Variants in MOB1B observed in about 807,000 individuals in gnomAD.
MOB1B encodes MOB kinase activator 1B.
MOB1B carries 19 observed loss-of-function variants against 24.4 expected under a neutral mutation model. The ratio of observed to expected loss-of-function variants is 0.78; its 90% CI spans 0.54 to 1.14. The LOEUF (loss-of-function observed/expected upper bound fraction) is 1.14. MOB1B is among the 50% of genes most tolerant of loss of function. The probability of loss-of-function intolerance (pLI) is 0.00; values close to 1 mark genes in which losing one functional copy is unlikely to be tolerated. For synonymous variants in MOB1B, 76 were observed against 82.1 expected, an observed-to-expected ratio of 0.93 and a Z score of 0.40; for missense variants, 243 against 259.6, an observed-to-expected ratio of 0.94 and a Z score of 0.44.
In MOB1B at chr4:70,902,617, C is replaced by G. The variant is rs866507273; in HGVS notation, c.14+67C>G. The G allele has an allele frequency of 1.9e-5, 27 of 1,422,194 alleles. No homozygotes were observed. In the South Asian group the frequency reaches 3.5e-4, roughly 18 times the overall value. The allele number at this position is 1,422,194 out of a possible 1,614,324, so 88.1% of individuals were successfully genotyped here. A position where few individuals can be genotyped will look rare whatever the true frequency, so the allele number is the denominator to read the frequency against. On this transcript the variant is annotated intron_variant, in intron 1 of 5. Transcript: ENST00000309395. ...GACCTGGGCCCCCGCCCGCCGCCCG[C>G]CGCCCGTCGCCCGCCCTCGTCCCGA...
Position 70,986,642 on chromosome 4 carries a change from ACTC to A in MOB1B, c.*4586_*4588del, listed in dbSNP as rs1048968393. 6.6e-6 allele frequency: 1 copy of A among 152,244 alleles called. No homozygotes were observed. Among genetic ancestry groups the A allele is most frequent in the Admixed American group, 6.5e-5 (1 of 15,294 alleles). 9.4% of individuals were successfully genotyped at this position (152,244 alleles called of 1,614,324 possible). ...AATTCTTAGAAACACTTTAAGGACTACTCTTAAATAACTTAAATATCAGAGTTT... is the reference window on the plus strand; with the variant it reads ...AATTCTTAGAAACACTTTAAGGACTATTAAATAACTTAAATATCAGAGTTT... On this transcript the variant is annotated 3_prime_UTR_variant, in exon 6 of 6. Coordinates refer to ENST00000309395, the MANE Select transcript of MOB1B (RefSeq NM_173468.4).
intron 1 of MOB1B, among the ~76,000 whole-genome samples, chr4:70,953,812 C>T (rs1737911814): frequency 6.6e-6 from 1 of 152,134 alleles, no homozygotes; most frequent in Non-Finnish European, 1.5e-5. Context: ...GGCATAGTGG[C>T]ACATGTCTAT....
At chr4:70,966,111 A>G (rs1006120627) in intron 2 of MOB1B, among the ~76,000 whole-genome samples, 13 of 152,218 alleles carry the variant, frequency 8.5e-5, no homozygotes, top group Non-Finnish European at 1.5e-5. Flanking sequence ...AAAGGGAACT[A>G]GGTCATCTAA....
chr4:70,970,019 C>G lies in MOB1B; in HGVS notation c.270C>G (p.Gly90=), dbSNP rs774954007. The change falls in exon 3 of 6, where the codon GGC becomes GGG. Residue 90 remains glycine (G), a synonymous_variant. Coordinates refer to ENST00000309395, the MANE Select transcript of MOB1B (RefSeq NM_173468.4). ...AGAGTTGTCCAGTGATGTCAGCTGG[C>G]CCAAAGTAAGACATAGTTAATGATC... is the stretch of plus-strand genomic sequence containing the variant. ...TEESCPVMSA[G]PKYEYHWADG... 1 of 1,553,098 alleles carries G rather than the reference C, an allele frequency of 6.4e-7. No individual in the cohort carries two copies. Among genetic ancestry groups the G allele is most frequent in the South Asian group, 1.2e-5 (1 of 83,792 alleles).
chr4:70,955,408 C>G lies in MOB1B; in HGVS notation c.15-3466C>G, dbSNP rs149962834. ...TAGGAGACCTCTTTTCCTAATTAATCACACATAAATTAGTAAAATGTCTTT... is the reference window on the plus strand; with the variant it reads ...TAGGAGACCTCTTTTCCTAATTAATGACACATAAATTAGTAAAATGTCTTT... On this transcript the variant is annotated intron_variant, in intron 1 of 5. Coordinates refer to ENST00000309395, the MANE Select transcript of MOB1B (RefSeq NM_173468.4). Among the ~76,000 whole-genome samples, 263 of 150,734 alleles carry G rather than the reference C, an allele frequency of 1.7e-3. 1 individual carries two copies. The highest frequency in any genetic ancestry group is 6.9e-3 in the Middle Eastern group (2 of 288).
intron 3 of MOB1B, among the ~76,000 whole-genome samples, chr4:70,973,670 G>T (rs1738861938): frequency 1.3e-5 from 2 of 152,100 alleles, no homozygotes; most frequent in Non-Finnish European, 2.9e-5. Flanking sequence ...ATATCAAGAG[G>T]TGTTGGAAAG....
chr4:70,902,319 C>G, upstream of MOB1B: 1 of 641,928 alleles, frequency 1.6e-6, no homozygotes. Context: ...TTCCCCTCCC[C>G]TGGAGTGATT....
At chr4:70,964,881 G>T (rs1271018673) in intron 2 of MOB1B, among the ~76,000 whole-genome samples, 1 of 150,040 alleles carries the variant, frequency 6.7e-6, no homozygotes, top group Non-Finnish European at 1.5e-5. Flanking sequence ...AGTGAGCTGA[G>T]ATTGCACCAT....
intron 1 of MOB1B, among the ~76,000 whole-genome samples, chr4:70,910,345 C>T (rs909232395): frequency 1.3e-5 from 2 of 151,960 alleles, no homozygotes; most frequent in East Asian, 3.9e-4. Context: ...CCAGCTGATC[C>T]TGCCTTATAC....
chr4:70,947,446 T>TC (rs1737631446), intron 1 of MOB1B, among the ~76,000 whole-genome samples: 11 of 151,782 alleles, frequency 7.2e-5, no homozygotes, highest in East Asian at 5.8e-4. Flanking sequence ...CTAGGTTTTT[T>TC]TCCCCCCCGC....
At chr4:70,923,965 C>CAA (rs5859245) in intron 1 of MOB1B, among the ~76,000 whole-genome samples, 16,407 of 127,690 alleles carry the variant, frequency 0.13, 1,998 homozygotes, top group African/African-American at 0.31. Context: ...AAATTAGACT[C>CAA]AAAAAAAAAA....
chr4:70,959,313 G>A (rs6446971), intron 2 of MOB1B, among the ~76,000 whole-genome samples: 87,212 of 151,990 alleles, frequency 0.57, 27,602 homozygotes, highest in African/African-American at 0.86. Context: ...GGCTCAAGCA[G>A]TCCTCCCACC....
At chr4:70,955,939 G>A (rs1439303799) in intron 1 of MOB1B, among the ~76,000 whole-genome samples, 1 of 151,998 alleles carries the variant, frequency 6.6e-6, no homozygotes. Context: ...GCCTCACTGT[G>A]TTGCCTAGGC....
At chr4:70,974,270 A>T (rs1211882522) in intron 3 of MOB1B, among the ~76,000 whole-genome samples, 1 of 151,792 alleles carries the variant, frequency 6.6e-6, no homozygotes, top group African/African-American at 2.4e-5. Flanking sequence ...TTTCTGGCTA[A>T]TTTTTGTATT....
At chr4:70,971,605 T>TA (rs1738757718) in intron 3 of MOB1B, among the ~76,000 whole-genome samples, 1 of 152,108 alleles carries the variant, frequency 6.6e-6, no homozygotes, top group Admixed American at 6.6e-5. Flanking sequence ...TCGGGAAGAT[T>TA]TATTAGAGGA....
intron 1 of MOB1B, among the ~76,000 whole-genome samples, chr4:70,919,254 C>T (rs1204573033): frequency 1.3e-5 from 2 of 150,550 alleles, no homozygotes; most frequent in African/African-American, 2.5e-5. Flanking sequence ...CACATGTATA[C>T]ATAAGTAACA....
chr4:70,963,029 A>G (rs1379867217), intron 2 of MOB1B, among the ~76,000 whole-genome samples: 1 of 152,112 alleles, frequency 6.6e-6, no homozygotes, highest in Non-Finnish European at 1.5e-5. Context: ...AAGAAAATTT[A>G]AAATTCTGCT....
At chr4:70,918,452 AT>A (rs1300122123) in intron 1 of MOB1B, among the ~76,000 whole-genome samples, 2 of 151,452 alleles carry the variant, frequency 1.3e-5, no homozygotes, top group Non-Finnish European at 2.9e-5. Flanking sequence ...GATGGTGAGC[AT>A]TTTTTCATGT....
chr4:70,917,605 G>C (rs1216249918), intron 1 of MOB1B, among the ~76,000 whole-genome samples: 1 of 152,170 alleles, frequency 6.6e-6, no homozygotes, highest in Admixed American at 6.5e-5. Context: ...GTCTTTCTCT[G>C]ACGTTCTCAG....
Sources: gnomAD v4.1 joint callset for allele counts (sites outside exome capture counted in the v4.1 genomes callset) on GRCh38, gnomAD v4.1.1 for gene constraint, MANE v1.5 for transcripts, NCBI Gene and HGNC (gene_info 2026-07-23, HGNC 2026-07-21) for gene names.